Variants in KLHL2 observed in about 807,000 individuals in gnomAD.
KLHL2 encodes kelch-like protein 2.
A neutral mutation model predicts 75.8 loss-of-function variants in KLHL2; 15 were observed. That is an observed-to-expected ratio of 0.20 (90% CI 0.13 to 0.30). The LOEUF is 0.30. Among genes scored for constraint, KLHL2 ranks in the 10% least tolerant of loss-of-function variants. The pLI, the probability that KLHL2 is intolerant of heterozygous loss-of-function variation, is 1.00. For synonymous variants in KLHL2, 214 were observed against 251.9 expected, an observed-to-expected ratio of 0.85 and a Z score of 1.42; for missense variants, 381 against 741.0, an observed-to-expected ratio of 0.51 and a Z score of 5.64.
At chr4:165,255,872 A>T (rs905811434) in intron 4 of KLHL2, among the ~76,000 whole-genome samples, 2 of 152,138 alleles carry the variant, frequency 1.3e-5, no homozygotes, top group South Asian at 2.1e-4. Flanking sequence ...TAGAAGTTAT[A>T]TATATGTGGA....
chr4:165,261,448 C>T (rs1400097574), intron 4 of KLHL2, among the ~76,000 whole-genome samples: 2 of 152,118 alleles, frequency 1.3e-5, no homozygotes, highest in African/African-American at 4.8e-5. Context: ...TCAAGTGATG[C>T]TCCTTCCTCA....
intron 3 of KLHL2, among the ~76,000 whole-genome samples, chr4:165,229,366 T>G (rs182592474): frequency 6.6e-6 from 1 of 152,376 alleles, no homozygotes; most frequent in East Asian, 1.9e-4. Flanking sequence ...TTGGCAACTG[T>G]GAAAATATAT....
rs192645065 is a variant in KLHL2 at position 165,256,960 on chromosome 4, G to A, written c.382-6237G>A. On this transcript the variant is annotated intron_variant, in intron 4 of 14. Coordinates refer to ENST00000226725, the MANE Select transcript of KLHL2 (RefSeq NM_007246.4). ...CCAAGTCATTAAATATTTGTCTACT[G>A]TATCTCTTTTAAGAGCTGAAAAATA... Among the ~76,000 whole-genome samples, 436 of 152,176 alleles carry A rather than the reference G, an allele frequency of 2.9e-3. 3 individuals carry two copies. Among genetic ancestry groups the A allele is most frequent in the Admixed American group, 6.7e-3 (102 of 15,294 alleles).
Position 165,210,560 on chromosome 4 carries a change from T to TG in KLHL2, c.26+2661dup, listed in dbSNP as rs149287451. Among the ~76,000 whole-genome samples the TG allele has an allele frequency of 7.0e-3, 1,065 of 152,356 alleles. 17 individuals carry two copies. The highest frequency in any genetic ancestry group is 0.024 in the African/African-American group (1,009 of 41,580). Reference sequence around the variant, plus strand: ...GTGGCATTTAGATTCTGTTGCATTCTGGGTCTGGGTGATATTGAGACTGTG... The same window carrying TG: ...GTGGCATTTAGATTCTGTTGCATTCTGGGGTCTGGGTGATATTGAGACTGTG... On this transcript the variant is annotated intron_variant, in intron 1 of 14. Coordinates refer to ENST00000226725, the MANE Select transcript of KLHL2 (RefSeq NM_007246.4).
At chr4:165,223,949 C>G (rs1177598342) in intron 2 of KLHL2, 1 of 451,408 alleles carries the variant, frequency 2.2e-6, no homozygotes, top group Non-Finnish European at 4.4e-6. Context: ...CAATCTCACT[C>G]TGCCACCCAG....
At chr4:165,269,894 G>A (rs1742548361) in intron 5 of KLHL2, among the ~76,000 whole-genome samples, 1 of 152,046 alleles carries the variant, frequency 6.6e-6, no homozygotes, top group African/African-American at 2.4e-5. Context: ...AGTTCTCCTG[G>A]ATAATATCCT....
chr4:165,311,065 G>A (rs1034988880), intron 10 of KLHL2, among the ~76,000 whole-genome samples: 4 of 151,928 alleles, frequency 2.6e-5, no homozygotes, highest in Non-Finnish European at 4.4e-5. Context: ...CACCATGTTA[G>A]CCAGGATGGT....
At chr4:165,317,991 A>G in intron 14 of KLHL2, 22 bp downstream of exon 14, 1 of 1,606,892 alleles carries the variant, frequency 6.2e-7, no homozygotes, top group South Asian at 1.1e-5. Context: ...CTCTAAAGTC[A>G]ATTTCCGTAC....
At chr4:165,309,631 T>A (rs990749570) in intron 9 of KLHL2, among the ~76,000 whole-genome samples, 3 of 152,232 alleles carry the variant, frequency 2.0e-5, no homozygotes, top group African/African-American at 7.2e-5. Context: ...AATAAAACTA[T>A]ATTTATGGAT....
At chr4:165,277,748 A>AAC (rs56079802) in intron 5 of KLHL2, 26,045 of 531,676 alleles carry the variant, frequency 0.049, 328 homozygotes, top group African/African-American at 0.11. Context: ...GGATGTTAAA[A>AAC]ACACACACAC....
At chr4:165,217,745 A>G (rs1243326226) in intron 1 of KLHL2, among the ~76,000 whole-genome samples, 4 of 152,168 alleles carry the variant, frequency 2.6e-5, no homozygotes, top group Non-Finnish European at 2.9e-5. Context: ...TGTACCATCC[A>G]TGTAACCAGT....
chr4:165,280,925 A>G (rs1018331920), intron 5 of KLHL2, among the ~76,000 whole-genome samples: 1 of 152,240 alleles, frequency 6.6e-6, no homozygotes, highest in African/African-American at 2.4e-5. Flanking sequence ...TATTAATGTT[A>G]TAGGAAATCT....
At chr4:165,272,737 T>A (rs1227363711) in intron 5 of KLHL2, among the ~76,000 whole-genome samples, 1 of 152,052 alleles carries the variant, frequency 6.6e-6, no homozygotes, top group Non-Finnish European at 1.5e-5. Flanking sequence ...GATCATTAGA[T>A]TTTTAAAAAT....
rs551743182 is a variant in KLHL2 at position 165,251,417 on chromosome 4, C to T, written c.382-11780C>T. 2.6e-3 allele frequency among the ~76,000 whole-genome samples: 391 copies of T among 152,000 alleles called. 4 individuals carry two copies. The highest frequency in any genetic ancestry group is 8.4e-3 in the African/African-American group (350 of 41,464). The stretch of plus-strand genomic sequence containing the variant: ...TCATAGTTTTAATCAAAATATTAGA[C>T]CAACTAGAACATCCATTCTCCATTC... On this transcript the variant is annotated intron_variant, in intron 4 of 14. Transcript: ENST00000226725.
At chr4:165,261,721 A>G (rs1741693339) in intron 4 of KLHL2, among the ~76,000 whole-genome samples, 1 of 152,238 alleles carries the variant, frequency 6.6e-6, no homozygotes, top group South Asian at 2.1e-4. Context: ...TTCAGGAGTT[A>G]AAGCTTCTGT....
intron 4 of KLHL2, among the ~76,000 whole-genome samples, chr4:165,259,034 A>AT (rs890839460): frequency 6.6e-6 from 1 of 152,130 alleles, no homozygotes; most frequent in Admixed American, 6.6e-5. Flanking sequence ...AGGAATGTTT[A>AT]TATTATTGTA....
intron 5 of KLHL2, among the ~76,000 whole-genome samples, chr4:165,273,923 GT>G (rs1742880814): frequency 6.6e-6 from 1 of 152,158 alleles, no homozygotes; most frequent in Admixed American, 6.5e-5. Flanking sequence ...AATAATTGTT[GT>G]TTAGGTGATT....
chr4:165,308,828 G>A lies in KLHL2; in HGVS notation c.1040-1725G>A, dbSNP rs142619557. 2.1e-3 allele frequency among the ~76,000 whole-genome samples: 316 copies of A among 152,216 alleles called. 5 individuals are homozygous for A. The highest frequency in any genetic ancestry group is 7.0e-3 in the African/African-American group (290 of 41,536). On this transcript the variant is annotated intron_variant, in intron 9 of 14. Transcript: ENST00000226725. Reference sequence around the variant, plus strand: ...TGCTGCCTGGTATGTTGCTGCTCACGAGTCTCCAGGCCCTCTTAGGATGTC... The same window carrying A: ...TGCTGCCTGGTATGTTGCTGCTCACAAGTCTCCAGGCCCTCTTAGGATGTC...
intron 5 of KLHL2, among the ~76,000 whole-genome samples, chr4:165,264,718 A>G (rs1218080827): frequency 4.3e-3 from 344 of 79,626 alleles, no homozygotes; most frequent in African/African-American, 0.015. Flanking sequence ...ATATATATAT[A>G]TACATATATA....
Sources: gnomAD v4.1 joint callset for allele counts (sites outside exome capture counted in the v4.1 genomes callset) on GRCh38, gnomAD v4.1.1 for gene constraint, MANE v1.5 for transcripts, NCBI Gene and HGNC (gene_info 2026-07-23, HGNC 2026-07-21) for gene names.